BARD1: variants seen among roughly 807,000 people sequenced by gnomAD.
BARD1 encodes the protein BRCA1 associated RING domain 1.
In BARD1, 73 loss-of-function variants were observed where a neutral mutation model predicts 77.0. The observed-to-expected ratio is 0.95, with a 90% CI of 0.79 to 1.15. The LOEUF is 1.15. Among genes scored for constraint, BARD1 ranks in the 50% most tolerant of loss-of-function variants. BARD1 has a pLI of 0.00. For synonymous variants in BARD1, 384 were observed against 338.0 expected, an observed-to-expected ratio of 1.14 and a Z score of -1.49; for missense variants, 993 against 938.8, an observed-to-expected ratio of 1.06 and a Z score of -0.75.
At chr2:214,790,615 T>C (rs1193786235) in intron 3 of BARD1, among the ~76,000 whole-genome samples, 3 of 152,194 alleles carry the variant, frequency 2.0e-5, no homozygotes, top group African/African-American at 7.2e-5. Context: ...CCACTCAGTT[T>C]GTGATACTTT....
At chr2:214,777,420 A>G (rs1250630085) in intron 4 of BARD1, among the ~76,000 whole-genome samples, 1 of 152,020 alleles carries the variant, frequency 6.6e-6, no homozygotes, top group African/African-American at 2.4e-5. Context: ...AGGAGAACAA[A>G]CTCCTGCTGG....
At position 214,781,049 on chromosome 2, in the gene BARD1, TAAACTTCCA is replaced by T; in HGVS notation, c.816_824del (p.Phe272_Ser274del). 1 of 1,607,946 alleles carries T rather than the reference TAAACTTCCA, an allele frequency of 6.2e-7. No individual in the cohort carries two copies. The highest frequency in any genetic ancestry group is 8.5e-7 in the Non-Finnish European group (1 of 1,177,822). ...CAGCCAATGGTAAAGAGACTTCAGT[TAAACTTCCA>T]AAACATTCAGATTCTGTCAAGGAGC... On this transcript the variant is annotated inframe_deletion, in exon 4 of 11. Transcript: ENST00000260947.
intron 6 of BARD1, among the ~76,000 whole-genome samples, chr2:214,760,256 G>C (rs527582857): frequency 6.6e-6 from 1 of 152,148 alleles, no homozygotes; most frequent in Non-Finnish European, 1.5e-5. Flanking sequence ...GTGGTGGCAC[G>C]ATCTCGGCTT....
At chr2:214,761,011 G>T (rs6751046) in intron 6 of BARD1, among the ~76,000 whole-genome samples, 61,794 of 149,280 alleles carry the variant, frequency 0.41, 12,855 homozygotes, top group South Asian at 0.5. Flanking sequence ...CCTGACCTCG[G>T]GATCCACCCG....
intron 6 of BARD1, among the ~76,000 whole-genome samples, chr2:214,754,450 G>GTGCACTTTAA (rs1294749000): frequency 1.3e-5 from 2 of 151,826 alleles, no homozygotes; most frequent in Non-Finnish European, 1.5e-5. Context: ...GCCCAATCAA[G>GTGCACTTTAA]TGCACTTTAA....
chr2:214,763,741 C>T (rs973022615), intron 6 of BARD1, among the ~76,000 whole-genome samples: 6 of 152,080 alleles, frequency 3.9e-5, no homozygotes, highest in African/African-American at 1.4e-4. Flanking sequence ...GTTTGTTTGC[C>T]AACTCAGATT....
At chr2:214,797,147 T>C (rs755118558) in intron 1 of BARD1, 30 bp from the exon 2 acceptor site, 5 of 1,572,104 alleles carry the variant, frequency 3.2e-6, no homozygotes, top group Non-Finnish European at 3.5e-6. Context: ...CAATCAAGAT[T>C]TGAGTCATTG....
At chr2:214,730,609 T>C in intron 9 of BARD1, 101 bp from the exon 10 acceptor site, 2 of 939,096 alleles carry the variant, frequency 2.1e-6, no homozygotes, top group South Asian at 1.4e-5. Context: ...TTCTTCTTCA[T>C]GGCAGTTTTT....
At chr2:214,803,459 C>A (rs1447544352) in intron 1 of BARD1, among the ~76,000 whole-genome samples, 1 of 152,246 alleles carries the variant, frequency 6.6e-6, no homozygotes, top group Non-Finnish European at 1.5e-5. Context: ...TAGGGAAAAA[C>A]CGCCTTAGGG....
At chr2:214,779,982 T>G (rs1694904569) in intron 4 of BARD1, among the ~76,000 whole-genome samples, 1 of 152,034 alleles carries the variant, frequency 6.6e-6, no homozygotes, top group Non-Finnish European at 1.5e-5. Context: ...ACATCTCAGG[T>G]GTTGAGGCAA....
intron 4 of BARD1, among the ~76,000 whole-genome samples, chr2:214,774,354 C>A (rs1036915694): frequency 6.6e-6 from 1 of 152,182 alleles, no homozygotes; most frequent in Non-Finnish European, 1.5e-5. Context: ...TATAGCCTTA[C>A]AAAATGCTTA....
chr2:214,779,702 T>A (rs1694889898), intron 4 of BARD1, among the ~76,000 whole-genome samples: 1 of 152,200 alleles, frequency 6.6e-6, no homozygotes, highest in South Asian at 2.1e-4. Context: ...TCCTCCCAGG[T>A]GTCCCAAAGT....
intron 9 of BARD1, among the ~76,000 whole-genome samples, chr2:214,738,535 C>A (rs1439741585): frequency 6.6e-6 from 1 of 151,996 alleles, no homozygotes; most frequent in Non-Finnish European, 1.5e-5. Context: ...CTCATAAAAG[C>A]ATATACATCA....
chr2:214,742,221 G>C (rs1692868923), intron 9 of BARD1, among the ~76,000 whole-genome samples: 1 of 152,050 alleles, frequency 6.6e-6, no homozygotes, highest in Admixed American at 6.6e-5. Flanking sequence ...AAATAGCTCT[G>C]AAACATTTTT....
chr2:214,730,677 C>A (rs948059310), intron 9 of BARD1, among the ~76,000 whole-genome samples, 169 bp from the exon 10 acceptor site: 5 of 152,058 alleles, frequency 3.3e-5, no homozygotes, highest in Non-Finnish European at 4.4e-5. Context: ...AAATGTAATA[C>A]AACTGGTTTT....
intron 9 of BARD1, among the ~76,000 whole-genome samples, chr2:214,741,194 A>G (rs1692810379): frequency 6.6e-6 from 1 of 152,122 alleles, no homozygotes; most frequent in Admixed American, 6.6e-5. Context: ...TCCTTCAGTA[A>G]TTCCCTTAGG....
intron 6 of BARD1, among the ~76,000 whole-genome samples, chr2:214,758,665 C>T (rs1468442393): frequency 6.6e-6 from 1 of 152,150 alleles, no homozygotes; most frequent in Non-Finnish European, 1.5e-5. Flanking sequence ...AACTAGGAAT[C>T]CTTCTGATCC....
chr2:214,809,225 C>CG (rs1406438486), intron 1 of BARD1, among the ~76,000 whole-genome samples, 187 bp downstream of exon 1: 11 of 152,142 alleles, frequency 7.2e-5, no homozygotes, highest in Non-Finnish European at 1.6e-4. Context: ...GTAAGTCGCC[C>CG]AAAAATAAAG....
At chr2:214,738,665 A>T (rs1692673731) in intron 9 of BARD1, among the ~76,000 whole-genome samples, 1 of 152,124 alleles carries the variant, frequency 6.6e-6, no homozygotes, top group Admixed American at 6.6e-5. Flanking sequence ...TAAAAAAAGG[A>T]GGGGTGTTCC....
Sources: allele counts gnomAD v4.1 joint callset (sites outside exome capture counted in the v4.1 genomes callset), GRCh38; gene constraint gnomAD v4.1.1; transcripts MANE v1.5; gene names NCBI Gene and HGNC (gene_info 2026-07-23, HGNC 2026-07-21).